The following DAB1 variants were observed in gnomAD, a reference collection of about 807,000 sequenced individuals.
The protein encoded by DAB1 is DAB adaptor protein 1, also known as disabled homolog 1.
DAB1 carries 15 observed loss-of-function variants against 64.6 expected under a neutral mutation model. The observed-to-expected ratio is 0.23, with a 90% CI of 0.16 to 0.36. The LOEUF is 0.36. Among genes scored for constraint, DAB1 ranks in the 10% least tolerant of loss-of-function variants. The pLI, the probability that DAB1 is intolerant of heterozygous loss-of-function variation, is 1.00. For missense variants in DAB1, 596 were observed against 706.7 expected (o/e 0.84, Z 1.78); for synonymous variants, 235 against 251.9 (o/e 0.93, Z 0.64).
intron 3 of DAB1, among the ~76,000 whole-genome samples, chr1:58,435,221 C>T (rs981490339): frequency 6.6e-6 from 1 of 152,120 alleles, no homozygotes; most frequent in African/African-American, 2.4e-5. Flanking sequence ...CATCCTCCTC[C>T]CTCAGGATTC....
intron 3 of DAB1, among the ~76,000 whole-genome samples, chr1:58,498,367 A>G (rs1332215425): frequency 1.3e-5 from 2 of 152,114 alleles, no homozygotes; most frequent in Non-Finnish European, 2.9e-5. Flanking sequence ...TTTAAATTTT[A>G]AATATTTCTC....
At chr1:56,998,965 G>A (rs142269972) in intron 14 of DAB1, among the ~76,000 whole-genome samples, 1 of 152,292 alleles carries the variant, frequency 6.6e-6, no homozygotes, top group Non-Finnish European at 1.5e-5. Flanking sequence ...GATGGATACT[G>A]TGGTTTTAAG....
At chr1:57,652,416 A>T (rs1462268819) in intron 6 of DAB1, among the ~76,000 whole-genome samples, 1 of 151,986 alleles carries the variant, frequency 6.6e-6, no homozygotes, top group African/African-American at 2.4e-5. Context: ...CTGCCCCAAA[A>T]TGCTCTAGCA....
At chr1:58,064,913 G>A (rs1387694916) in intron 5 of DAB1, among the ~76,000 whole-genome samples, 2 of 151,818 alleles carry the variant, frequency 1.3e-5, no homozygotes, top group East Asian at 3.9e-4. Flanking sequence ...TAGTAGGGAC[G>A]GGGTTTCACC....
chr1:57,291,926 C>A (rs2656093), intron 1 of DAB1, among the ~76,000 whole-genome samples: 3 of 151,808 alleles, frequency 2.0e-5, no homozygotes, highest in African/African-American at 7.3e-5. Flanking sequence ...ATGCCCTTAG[C>A]TACTGCTTCA....
At chr1:58,088,358 A>G (rs1043249897) in intron 5 of DAB1, among the ~76,000 whole-genome samples, 2 of 152,216 alleles carry the variant, frequency 1.3e-5, no homozygotes, top group African/African-American at 4.8e-5. Context: ...GTAGAGGAAG[A>G]TCCACATTTA....
chr1:57,064,683 A>G (rs189842570), intron 8 of DAB1, among the ~76,000 whole-genome samples: 2 of 152,270 alleles, frequency 1.3e-5, no homozygotes, highest in African/African-American at 2.4e-5. Context: ...TATACTATTC[A>G]GACAGTTGTT....
chr1:58,520,437 T>C (rs1212617396), intron 2 of DAB1, among the ~76,000 whole-genome samples: 2 of 152,078 alleles, frequency 1.3e-5, no homozygotes, highest in African/African-American at 4.8e-5. Context: ...CACAAAGGAA[T>C]ATAAATGAAG....
chr1:58,344,772 G>A (rs1340797952), intron 3 of DAB1, among the ~76,000 whole-genome samples: 1 of 152,204 alleles, frequency 6.6e-6, no homozygotes, highest in African/African-American at 2.4e-5. Flanking sequence ...TTTCTCATTT[G>A]TAACAGGGGA....
intron 7 of DAB1, among the ~76,000 whole-genome samples, chr1:57,515,304 T>A (rs1644451258): frequency 6.6e-6 from 1 of 152,218 alleles, no homozygotes; most frequent in South Asian, 2.1e-4. Context: ...AAAATTATAG[T>A]GCAGTGATGC....
rs913744305 is a variant in DAB1 at position 58,032,899 on chromosome 1, T to C, written n.387+117612A>G. 2.0e-4 allele frequency among the ~76,000 whole-genome samples: 31 copies of C among 152,362 alleles called. No homozygotes were observed. In the East Asian group the frequency reaches 5.8e-3, roughly 28 times the overall value. On this transcript the variant is annotated intron_variant and non_coding_transcript_variant, in intron 5 of 20. Transcript: ENST00000485760. ...ATAGCCTGGCCCCTGCCTACTTCTCTGCCCTCAGCTCCCTCTTCCTGATCT... is the reference window on the plus strand; with the variant it reads ...ATAGCCTGGCCCCTGCCTACTTCTCCGCCCTCAGCTCCCTCTTCCTGATCT...
At chr1:57,519,683 T>C (rs994986892) in intron 7 of DAB1, among the ~76,000 whole-genome samples, 1 of 152,182 alleles carries the variant, frequency 6.6e-6, no homozygotes, top group African/African-American at 2.4e-5. Flanking sequence ...TCTACGAGGC[T>C]TGTATGATAA....
intron 6 of DAB1, among the ~76,000 whole-genome samples, chr1:57,655,605 C>G (rs1458182372): frequency 6.6e-6 from 1 of 152,054 alleles, no homozygotes; most frequent in Non-Finnish European, 1.5e-5. Context: ...TTCCAGGGGA[C>G]AGAGAAAGAC....
chr1:57,947,700 T>C (rs1232374081), intron 5 of DAB1, among the ~76,000 whole-genome samples: 1 of 152,046 alleles, frequency 6.6e-6, no homozygotes, highest in African/African-American at 2.4e-5. Flanking sequence ...TCAGTGTGCC[T>C]CAGAAGAGGG....
rs401065 is a variant in DAB1 at position 57,319,371 on chromosome 1, T to C, written c.-136-28205A>G. ...CTGCAAACATGAACAAATCGCTGCCTCTTCTGTGGCAGTTTTTCTATACAC... is the reference window on the plus strand; with the variant it reads ...CTGCAAACATGAACAAATCGCTGCCCCTTCTGTGGCAGTTTTTCTATACAC... On this transcript the variant is annotated intron_variant, in intron 1 of 14. Coordinates refer to ENST00000371236, the MANE Select transcript of DAB1 (RefSeq NM_001365792.1). 4.0e-3 allele frequency among the ~76,000 whole-genome samples: 570 copies of C among 141,880 alleles called. 3 individuals carry two copies. Among genetic ancestry groups the C allele is most frequent in the African/African-American group, 0.013 (525 of 41,170 alleles). The allele number at this position is 141,880 out of a possible 152,430, so 93.1% of individuals were successfully genotyped here. A position where few individuals can be genotyped will look rare whatever the true frequency, so the allele number is the denominator to read the frequency against.
chr1:57,388,927 C>T (rs1411249855), intron 1 of DAB1, among the ~76,000 whole-genome samples: 1 of 152,250 alleles, frequency 6.6e-6, no homozygotes, highest in East Asian at 1.9e-4. Context: ...CTCTGCATGG[C>T]CTCTTCTTTC....
chr1:57,988,614 C>A (rs528530507), intron 5 of DAB1, among the ~76,000 whole-genome samples: 1 of 152,124 alleles, frequency 6.6e-6, no homozygotes, highest in South Asian at 2.1e-4. Context: ...CCCCCAGGGC[C>A]TGTTGCCTCC....
At chr1:57,168,902 A>T (rs959340686) in intron 2 of DAB1, among the ~76,000 whole-genome samples, 3 of 152,210 alleles carry the variant, frequency 2.0e-5, no homozygotes, top group Middle Eastern at 3.4e-3. Context: ...CAAAAAATTT[A>T]AAAAATTAGC....
At chr1:58,215,219 G>A (rs72667954) in intron 4 of DAB1, among the ~76,000 whole-genome samples, 5,031 of 151,840 alleles carry the variant, frequency 0.033, 110 homozygotes, top group Middle Eastern at 0.054. Context: ...TGCAACTCTG[G>A]GCCTCTGTCT....
Sources: allele counts gnomAD v4.1 joint callset (sites outside exome capture counted in the v4.1 genomes callset), GRCh38; gene constraint gnomAD v4.1.1; transcripts MANE v1.5; gene names NCBI Gene and HGNC (gene_info 2026-07-23, HGNC 2026-07-21).